Variants in IFFO1 observed in about 807,000 individuals in gnomAD.
IFFO1 encodes non-homologous end joining factor IFFO1.
A neutral mutation model predicts 59.6 loss-of-function variants in IFFO1; 42 were observed. The ratio of observed to expected loss-of-function variants is 0.70; its 90% CI spans 0.55 to 0.91. The LOEUF (loss-of-function observed/expected upper bound fraction) is 0.91. Among genes scored for constraint, IFFO1 ranks in the 40% least tolerant of loss-of-function variants. The pLI, the probability that IFFO1 is intolerant of heterozygous loss-of-function variation, is 0.00. For missense variants in IFFO1, 711 were observed against 793.2 expected (o/e 0.90, Z 1.24); for synonymous variants, 336 against 342.8 (o/e 0.98, Z 0.22).
Position 6,549,641 on chromosome 12 carries a change from G to C in IFFO1, c.1071+115C>G. On this transcript the variant is annotated intron_variant, in intron 4 of 9. Coordinates refer to ENST00000619571, the MANE Select transcript of IFFO1 (RefSeq NM_001193457.2). This position sits in a 1 kb window ranked among gnomAD's most constrained non-coding sequence, Gnocchi z 5.0. ...CCAGTCTAGCCCCGTGAGGGCCCCA[G>C]TTGCCAGGTAAGGCTCCCCAAGCAG... 2 of 1,458,122 alleles carry C rather than the reference G, an allele frequency of 1.4e-6. No individual in the cohort carries two copies. Among genetic ancestry groups the C allele is most frequent in the African/African-American group, 1.4e-5 (1 of 71,568 alleles). 90.3% of individuals were successfully genotyped at this position (1,458,122 alleles called of 1,614,324 possible).
chr12:6,554,068 ATAT>A (rs1213491150), intron 1 of IFFO1, among the ~76,000 whole-genome samples: 2 of 150,870 alleles, frequency 1.3e-5, no homozygotes, highest in Non-Finnish European at 1.5e-5. Flanking sequence ...CTATAATAAA[ATAT>A]TATCATTTAT....
chr12:6,542,286 A>T (rs1946753008), intron 8 of IFFO1, among the ~76,000 whole-genome samples: 1 of 152,218 alleles, frequency 6.6e-6, no homozygotes. Context: ...TGATTTCAGA[A>T]ATGTCACACG....
intron 3 of IFFO1, chr12:6,550,419 C>G: frequency 1.9e-6 from 1 of 522,982 alleles, no homozygotes; most frequent in Non-Finnish European, 3.4e-6. Flanking sequence ...CCCAGCGCCC[C>G]GGCGCCAGCT....
intron 1 of IFFO1, 117 bp from the exon 2 acceptor site, chr12:6,551,118 TG>T: frequency 9.9e-7 from 1 of 1,010,894 alleles, no homozygotes; most frequent in Non-Finnish European, 1.5e-6. Flanking sequence ...GTTCCCTGGA[TG>T]GGGAGGAGCA....
chr12:6,553,571 C>G (rs550114407), intron 1 of IFFO1, among the ~76,000 whole-genome samples: 1 of 151,276 alleles, frequency 6.6e-6, no homozygotes, highest in East Asian at 2.0e-4. Context: ...CTGATCAGGT[C>G]AGGAGTTTGA....
At chr12:6,551,346 C>T (rs961208531) in intron 1 of IFFO1, 5 of 1,134,988 alleles carry the variant, frequency 4.4e-6, no homozygotes, top group Admixed American at 2.3e-5. Context: ...GGCCTCATTG[C>T]CCACCTCCTG....
rs776619182 is a variant in IFFO1 at position 6,548,180 on chromosome 12, G to C, written c.1384-20C>G. The C allele has an allele frequency of 3.7e-6, 6 of 1,601,166 alleles. No homozygotes were observed. The highest frequency in any genetic ancestry group is 3.3e-5 in the Admixed American group (2 of 59,980). Reference sequence around the variant, plus strand: ...CTGCTGCTGGAGTAGAAAGGGAAGCGGGGGAGGCCAGCCAAGGAGGGATGG... The same window carrying C: ...CTGCTGCTGGAGTAGAAAGGGAAGCCGGGGAGGCCAGCCAAGGAGGGATGG... On this transcript the variant is annotated intron_variant, in intron 7 of 9. Coordinates refer to ENST00000619571, the MANE Select transcript of IFFO1 (RefSeq NM_001193457.2). The surrounding 1 kb of genome is among the most constrained non-coding windows in gnomAD (Gnocchi z 6.1).
intron 9 of IFFO1, among the ~76,000 whole-genome samples, 186 bp from the exon 10 acceptor site, chr12:6,540,774 G>A (rs1946673549): frequency 6.6e-6 from 1 of 152,172 alleles, no homozygotes; most frequent in African/African-American, 2.4e-5. Flanking sequence ...ACAGGGAAAT[G>A]GGCCCCGCCT....
At position 6,548,667 on chromosome 12, in the gene IFFO1, C is replaced by T. The variant is rs200549843; in HGVS notation, c.1262+1G>A. 77 of 1,614,004 alleles carry T rather than the reference C, an allele frequency of 4.8e-5. No homozygotes were observed. The highest frequency in any genetic ancestry group is 6.1e-5 in the Non-Finnish European group (72 of 1,180,032). On this transcript the variant is annotated splice_donor_variant, in intron 6 of 9. Coordinates refer to ENST00000619571, the MANE Select transcript of IFFO1 (RefSeq NM_001193457.2). LOFTEE classifies it high-confidence loss of function. This position sits in a 1 kb window ranked among gnomAD's most constrained non-coding sequence, Gnocchi z 6.1. ...TGCGGGAGCACGGCCTGCGGACTCA[C>T]AGCTGGTTGAGCATGCGCTGCATCT...
At chr12:6,550,181 C>G in intron 3 of IFFO1, 1 of 411,224 alleles carries the variant, frequency 2.4e-6, no homozygotes, top group Non-Finnish European at 4.4e-6. Context: ...ACTGGAACGA[C>G]TAGCGGTCCT....
At position 6,540,246 on chromosome 12, in the gene IFFO1, A is replaced by G. The variant is rs1289135811; in HGVS notation, c.*237T>C. Reference sequence around the variant, plus strand: ...GCAGACACCCACGCGTGAAGGCAGGAGAGCCCCAACTGTGGTGGAAATGGC... The same window carrying G: ...GCAGACACCCACGCGTGAAGGCAGGGGAGCCCCAACTGTGGTGGAAATGGC... On this transcript the variant is annotated 3_prime_UTR_variant, in exon 10 of 10. Coordinates refer to ENST00000619571, the MANE Select transcript of IFFO1 (RefSeq NM_001193457.2). 1.6e-5 allele frequency: 9 copies of G among 573,042 alleles called. No homozygotes were observed. Among genetic ancestry groups the G allele is most frequent in the Non-Finnish European group, 2.8e-5 (9 of 322,436 alleles). 35.5% of individuals were successfully genotyped at this position (573,042 alleles called of 1,614,324 possible).
chr12:6,542,619 G>GGTCA (rs1268902584), intron 8 of IFFO1, among the ~76,000 whole-genome samples: 10 of 152,218 alleles, frequency 6.6e-5, no homozygotes, highest in Admixed American at 6.5e-4. Context: ...CAGCAGAGAT[G>GGTCA]GTCAGGACAG....
chr12:6,555,029 T>A lies in IFFO1; in HGVS notation c.773+228A>T, dbSNP rs1254792022. ...CAGAGACAAGCCGGAAAAGTAGGAA[T>A]CCCCCCGTGTTCCGCTCCCAGCGTC... On this transcript the variant is annotated intron_variant, in intron 1 of 9. Transcript: ENST00000619571. This position sits in a 1 kb window ranked among gnomAD's most constrained non-coding sequence, Gnocchi z 8.6. 1.3e-5 allele frequency among the ~76,000 whole-genome samples: 2 copies of A among 152,194 alleles called. No individual in the cohort carries two copies. The highest frequency in any genetic ancestry group is 2.9e-5 in the Non-Finnish European group (2 of 68,048).
intron 8 of IFFO1, chr12:6,543,750 G>A (rs747134255): frequency 6.6e-6 from 1 of 152,192 alleles, no homozygotes; most frequent in Non-Finnish European, 1.5e-5. Flanking sequence ...TGGATCACCT[G>A]AGGTCGGGAG....
In IFFO1 at chr12:6,540,481, C is replaced by T. The variant is rs753267699; in HGVS notation, c.*2G>A. ...CCTCGGGTGCAAGGGGGAGGCAGGT[C>T]TCTATCTCATGGAGCTGTCAGATGA... is the stretch of plus-strand genomic sequence containing the variant. On this transcript the variant is annotated 3_prime_UTR_variant, in exon 10 of 10. Coordinates refer to ENST00000619571, the MANE Select transcript of IFFO1 (RefSeq NM_001193457.2). 1.2e-6 allele frequency: 2 copies of T among 1,612,782 alleles called. No homozygotes were observed. Among genetic ancestry groups the T allele is most frequent in the South Asian group, 2.2e-5 (2 of 91,060 alleles).
Position 6,541,548 on chromosome 12 carries a change from T to C in IFFO1, c.1574A>G (p.Glu525Gly). Reference protein sequence around the residue: ...SMKRGLDVQMETCRRLITQSG... With the variant: ...SMKRGLDVQMGTCRRLITQSG... ...CTGGGTGATGAGCCGGCGGCAGGTC[T>C]CCATCTGCACGTCCAGGCCGCGCTT... The change falls in exon 9 of 10, where the codon GAG (glutamate) becomes GGG (glycine). Residue 525 changes from glutamate to glycine, a missense_variant. Transcript: ENST00000619571. The surrounding 1 kb of genome is among the most constrained non-coding windows in gnomAD (Gnocchi z 4.8). The C allele has an allele frequency of 6.2e-7, 1 of 1,614,158 alleles. No homozygotes were observed. The highest frequency in any genetic ancestry group is 8.5e-7 in the Non-Finnish European group (1 of 1,180,034).
At chr12:6,544,998 A>C (rs945687690) in intron 8 of IFFO1, 2 of 152,110 alleles carry the variant, frequency 1.3e-5, no homozygotes, top group African/African-American at 4.8e-5. Context: ...GTGGATCACG[A>C]GGTCAGGAGA....
chr12:6,542,433 CTT>C (rs910412039), intron 8 of IFFO1, among the ~76,000 whole-genome samples: 5 of 152,204 alleles, frequency 3.3e-5, no homozygotes, highest in Non-Finnish European at 7.3e-5. Flanking sequence ...GACTGCCTCT[CTT>C]TGTTTTGGGT....
intron 8 of IFFO1, among the ~76,000 whole-genome samples, chr12:6,542,950 A>G (rs1946784398): frequency 6.6e-6 from 1 of 152,242 alleles, no homozygotes; most frequent in South Asian, 2.1e-4. Flanking sequence ...TAGTCTCTGC[A>G]TATGTCTATG....
Sources: gnomAD v4.1 joint callset for allele counts (sites outside exome capture counted in the v4.1 genomes callset) on GRCh38, gnomAD v4.1.1 for gene constraint, Gnocchi (gnomAD v3.1) non-coding constraint, MANE v1.5 for transcripts, NCBI Gene and HGNC (gene_info 2026-07-23, HGNC 2026-07-21) for gene names.